Variants in RERE observed in about 807,000 individuals in gnomAD.
RERE encodes arginine-glutamic acid dipeptide repeats protein.
In RERE, 40 loss-of-function variants were observed where a neutral mutation model predicts 146.1. That is an observed-to-expected ratio of 0.27 (90% confidence interval 0.21 to 0.36). The LOEUF (loss-of-function observed/expected upper bound fraction) is 0.36. Ranked by LOEUF, RERE falls within the 10% of genes least tolerant of loss-of-function variation. The probability of loss-of-function intolerance (pLI) is 1.00; values close to 1 mark genes in which losing one functional copy is unlikely to be tolerated. For missense variants in RERE, 1,933 were observed against 2,138.7 expected, an observed-to-expected ratio of 0.90 and a Z score of 1.90; for synonymous variants, 1,003 against 866.0, an observed-to-expected ratio of 1.16 and a Z score of -2.78.
chr1:8,631,435 T>G (rs1647033978), intron 2 of RERE, among the ~76,000 whole-genome samples: 1 of 152,136 alleles, frequency 6.6e-6, no homozygotes, highest in South Asian at 2.1e-4. Flanking sequence ...GATGTGGATG[T>G]TTTGGACTAA....
At chr1:8,476,194 A>C (rs1199617484) in intron 10 of RERE, among the ~76,000 whole-genome samples, 2 of 152,136 alleles carry the variant, frequency 1.3e-5, no homozygotes, top group African/African-American at 4.8e-5. Context: ...TCATCATTCC[A>C]CACACCTCTC....
At chr1:8,633,082 A>C (rs141028407) in intron 2 of RERE, among the ~76,000 whole-genome samples, 52 of 152,308 alleles carry the variant, frequency 3.4e-4, no homozygotes, top group African/African-American at 1.2e-3. Context: ...GGCATATATT[A>C]ATATATACTG....
At chr1:8,490,537 G>T (rs988713615) in intron 10 of RERE, among the ~76,000 whole-genome samples, 3 of 149,932 alleles carry the variant, frequency 2.0e-5, no homozygotes, top group Admixed American at 6.6e-5. Context: ...TAAACAACCA[G>T]AATGTTGTTT....
chr1:8,518,738 C>G (rs867715569), intron 7 of RERE, among the ~76,000 whole-genome samples: 15 of 152,194 alleles, frequency 9.9e-5, no homozygotes, highest in African/African-American at 3.6e-4. Context: ...CTGCCCTGAA[C>G]AAGTCTGAAA....
chr1:8,464,430 G>C (rs868767707), intron 11 of RERE, among the ~76,000 whole-genome samples: 3 of 152,258 alleles, frequency 2.0e-5, no homozygotes, highest in South Asian at 2.1e-4. Flanking sequence ...TCCCAGCCTG[G>C]TGTGCAGCAA....
intron 11 of RERE, among the ~76,000 whole-genome samples, chr1:8,449,998 GCATCTACCTGAATT>G (rs1362733627): frequency 1.3e-5 from 2 of 152,074 alleles, no homozygotes; most frequent in East Asian, 1.9e-4. Context: ...CCTCCTCATG[GCATCTACCTGAATT>G]CATCTTATTT....
At chr1:8,796,731 G>T (rs1310198119) in intron 1 of RERE, 1 of 150,894 alleles carries the variant, frequency 6.6e-6, no homozygotes, top group East Asian at 1.9e-4. Context: ...AAACAGAAGA[G>T]GCATAAAACT....
intron 11 of RERE, among the ~76,000 whole-genome samples, chr1:8,458,594 T>TAC (rs1644483896): frequency 6.8e-6 from 1 of 147,190 alleles, no homozygotes; most frequent in South Asian, 2.5e-4. Context: ...CACATATACA[T>TAC]ACACACACAC....
chr1:8,715,967 C>A (rs1639755771), intron 1 of RERE, among the ~76,000 whole-genome samples: 1 of 151,956 alleles, frequency 6.6e-6, no homozygotes, highest in South Asian at 2.1e-4. Context: ...GTAAACTCAG[C>A]AAGTGATGTC....
intron 1 of RERE, among the ~76,000 whole-genome samples, chr1:8,667,949 G>A (rs902058449): frequency 6.6e-6 from 1 of 152,092 alleles, no homozygotes; most frequent in Admixed American, 6.5e-5. Context: ...CAGCATTCCT[G>A]GCCTCAACCC....
intron 11 of RERE, among the ~76,000 whole-genome samples, chr1:8,441,860 A>G (rs1644253071): frequency 6.6e-6 from 1 of 151,252 alleles, no homozygotes; most frequent in African/African-American, 2.4e-5. Context: ...TCTAATAATT[A>G]TAATTTGAAA....
intron 10 of RERE, among the ~76,000 whole-genome samples, chr1:8,493,469 C>G (rs1645004452): frequency 6.6e-6 from 1 of 152,148 alleles, no homozygotes; most frequent in African/African-American, 2.4e-5. Flanking sequence ...TTATATCATA[C>G]TCAAGAAACC....
intron 7 of RERE, among the ~76,000 whole-genome samples, chr1:8,513,540 G>T (rs1465854820): frequency 6.6e-6 from 1 of 152,128 alleles, no homozygotes; most frequent in Non-Finnish European, 1.5e-5. Flanking sequence ...GCACTCTGGG[G>T]GGCCGAGGTG....
At chr1:8,693,102 G>A (rs1201007335) in intron 1 of RERE, among the ~76,000 whole-genome samples, 1 of 152,212 alleles carries the variant, frequency 6.6e-6, no homozygotes, top group Non-Finnish European at 1.5e-5. Flanking sequence ...CCAAATGGTA[G>A]CAAGTATGTG....
At chr1:8,793,917 T>A (rs1485143320) in intron 1 of RERE, among the ~76,000 whole-genome samples, 1 of 151,640 alleles carries the variant, frequency 6.6e-6, no homozygotes, top group African/African-American at 2.4e-5. Flanking sequence ...TACAAAAAAA[T>A]TAGCCAAATG....
rs371155602 is a variant in RERE, at chr1:8,816,724, G to A, written c.-145+436C>T. Among the ~76,000 whole-genome samples, 38 of 152,150 alleles carry A rather than the reference G, an allele frequency of 2.5e-4. 1 individual carries two copies. In the East Asian group the frequency reaches 3.1e-3, roughly 12 times the overall value. On this transcript the variant is annotated intron_variant, in intron 1 of 22. Transcript: ENST00000400908. ...ACATACAGCTGAGAACTAGAGATTG[G>A]GAGCACAAAGAGGAAATCTTCCCCC... is the stretch of plus-strand genomic sequence containing the variant.
chr1:8,564,826 A>ATATGTGTGTGTGTGTGTGTG lies in RERE; in HGVS notation c.523-7304_523-7303insCACACACACACACACACATA, dbSNP rs1384858524. On this transcript the variant is annotated intron_variant, in intron 4 of 22. Coordinates refer to ENST00000400908, the MANE Select transcript of RERE (RefSeq NM_001042681.2). ...TGTGTGTGTATGTATGTGTGTGTATATGTGTATGTGTGTGTGTGTGTGTGT... is the reference window on the plus strand; with the variant it reads ...TGTGTGTGTATGTATGTGTGTGTATATATGTGTGTGTGTGTGTGTGTGTGTATGTGTGTGTGTGTGTGTGT... Among the ~76,000 whole-genome samples the ATATGTGTGTGTGTGTGTGTG allele has an allele frequency of 7.8e-3, 909 of 116,948 alleles. 5 individuals are homozygous for ATATGTGTGTGTGTGTGTGTG. The highest frequency in any genetic ancestry group is 1.0e-2 in the Non-Finnish European group (570 of 57,038). The allele number at this position is 116,948 out of a possible 152,430, so 76.7% of individuals were successfully genotyped here.
intron 1 of RERE, among the ~76,000 whole-genome samples, chr1:8,680,481 GAAAAT>G (rs1300948068): frequency 6.6e-6 from 1 of 152,172 alleles, no homozygotes; most frequent in Non-Finnish European, 1.5e-5. Flanking sequence ...GGATTCCATA[GAAAAT>G]GTTTCCAGAA....
chr1:8,490,015 C>T (rs924813435), intron 10 of RERE, among the ~76,000 whole-genome samples: 1 of 148,016 alleles, frequency 6.8e-6, no homozygotes, highest in Non-Finnish European at 1.5e-5. Context: ...GCACCACTCA[C>T]TGCACTCTAG....
Sources: gnomAD v4.1 joint callset for allele counts (sites outside exome capture counted in the v4.1 genomes callset) on GRCh38, gnomAD v4.1.1 for gene constraint, MANE v1.5 for transcripts, NCBI Gene and HGNC (gene_info 2026-07-23, HGNC 2026-07-21) for gene names.